Variants in LPA observed in about 807,000 individuals in gnomAD.
LPA encodes lipoprotein(a).
In LPA, 199 loss-of-function variants were observed where a neutral mutation model predicts 197.9. That is an observed-to-expected ratio of 1.01 (90% CI 0.90 to 1.13). The LOEUF (loss-of-function observed/expected upper bound fraction) is 1.13, where lower values mean the gene tolerates loss of function less well. Among genes scored for constraint, LPA ranks in the 50% most tolerant of loss-of-function variants. LPA has a pLI of 0.00. For missense variants in LPA, 1,853 were observed against 1,785.8 expected (o/e 1.04, Z -0.68); for synonymous variants, 715 against 639.5 (o/e 1.12, Z -1.78).
intron 35 of LPA, 38 bp from the exon 36 acceptor site, chr6:160,540,221 C>A: frequency 6.2e-7 from 1 of 1,613,628 alleles, no homozygotes; most frequent in Non-Finnish European, 8.5e-7. Flanking sequence ...AAATATGGTC[C>A]AGCCCCTTCA....
intron 28 of LPA, among the ~76,000 whole-genome samples, chr6:160,576,417 G>GT (rs1778678687): frequency 4.4e-5 from 1 of 22,976 alleles, no homozygotes; most frequent in African/African-American, 2.0e-4. Flanking sequence ...TATATATATG[G>GT]GTATATATAT....
chr6:160,597,514 G>A (rs1779157203), intron 20 of LPA, among the ~76,000 whole-genome samples: 1 of 152,154 alleles, frequency 6.6e-6, no homozygotes, highest in Non-Finnish European at 1.5e-5. Context: ...AGCTATTTCT[G>A]TAGATTCTAT....
intron 30 of LPA, among the ~76,000 whole-genome samples, chr6:160,550,895 T>C (rs1231374462): frequency 6.6e-6 from 1 of 152,246 alleles, no homozygotes; most frequent in Non-Finnish European, 1.5e-5. Flanking sequence ...CTGAACAGTA[T>C]GCCATTGTAT....
At chr6:160,566,131 C>T (rs1367198356) in intron 28 of LPA, among the ~76,000 whole-genome samples, 1 of 152,156 alleles carries the variant, frequency 6.6e-6, no homozygotes, top group Non-Finnish European at 1.5e-5. Flanking sequence ...AGGAGAACTT[C>T]CCCAACCTAC....
At chr6:160,588,049 T>A (rs1321979295) in intron 24 of LPA, among the ~76,000 whole-genome samples, 5 of 152,152 alleles carry the variant, frequency 3.3e-5, no homozygotes, top group Non-Finnish European at 5.9e-5. Context: ...GAAACACAGT[T>A]CTCAGAGGTG....
intron 1 of LPA, among the ~76,000 whole-genome samples, chr6:160,655,678 G>C (rs115740213): frequency 4.7e-4 from 72 of 152,300 alleles, no homozygotes; most frequent in African/African-American, 1.7e-3. Context: ...AAATTTTACC[G>C]AGGTAGAAAG....
rs1478701165 is a variant in LPA at position 160,594,509 on chromosome 6, G to A, written c.3470-392C>T. ...TGTCAGTGGGGACAGACATGAAACC[G>A]TCACACATTTCCCTAGACTGCTGAT... On this transcript the variant is annotated intron_variant, in intron 21 of 38. Coordinates refer to ENST00000316300, the MANE Select transcript of LPA (RefSeq NM_005577.4). Among the ~76,000 whole-genome samples, 8 of 152,170 alleles carry A rather than the reference G, an allele frequency of 5.3e-5. No individual in the cohort carries two copies. In the East Asian group the frequency reaches 5.8e-4, roughly 11 times the overall value.
chr6:160,555,104 T>C (rs1041323025), intron 30 of LPA, among the ~76,000 whole-genome samples: 4 of 152,060 alleles, frequency 2.6e-5, no homozygotes, highest in African/African-American at 9.6e-5. Flanking sequence ...ACCTGCCCAT[T>C]TTAATCTCCA....
intron 20 of LPA, among the ~76,000 whole-genome samples, chr6:160,598,635 C>T (rs925544850): frequency 1.3e-5 from 2 of 152,208 alleles, no homozygotes; most frequent in African/African-American, 4.8e-5. Flanking sequence ...CATCTACCCG[C>T]CCCTTTTACT....
chr6:160,581,765 C>T (rs368680946), intron 26 of LPA, among the ~76,000 whole-genome samples: 42 of 152,224 alleles, frequency 2.8e-4, no homozygotes, highest in African/African-American at 9.4e-4. Context: ...TGCAGGAATT[C>T]TGCTTGGGTG....
chr6:160,592,870 T>C (rs1354110953), intron 22 of LPA, among the ~76,000 whole-genome samples: 2 of 152,184 alleles, frequency 1.3e-5, no homozygotes, highest in African/African-American at 4.8e-5. Flanking sequence ...GTGTCTCTCC[T>C]CTGAGTGGTC....
At chr6:160,592,263 G>C (rs1452160980) in intron 22 of LPA, among the ~76,000 whole-genome samples, 2 of 152,138 alleles carry the variant, frequency 1.3e-5, no homozygotes, top group Admixed American at 6.6e-5. Context: ...CTTGTGGTTT[G>C]TCTAGCTTTA....
chr6:160,598,516 G>C (rs976664081), intron 20 of LPA, among the ~76,000 whole-genome samples: 1 of 152,112 alleles, frequency 6.6e-6, no homozygotes, highest in Admixed American at 6.5e-5. Flanking sequence ...CAATACTCTT[G>C]GTCCTCTAGC....
At chr6:160,606,121 T>A (rs1250606279) in intron 17 of LPA, among the ~76,000 whole-genome samples, 3 of 152,158 alleles carry the variant, frequency 2.0e-5, no homozygotes, top group Non-Finnish European at 4.4e-5. Flanking sequence ...GCTGGCTAAT[T>A]GAAGAAGTCC....
chr6:160,589,068 C>A (rs570566497), intron 24 of LPA, among the ~76,000 whole-genome samples: 11 of 152,320 alleles, frequency 7.2e-5, no homozygotes, highest in Admixed American at 5.2e-4. Context: ...TTTTCAGACA[C>A]CTTGTTCTCA....
At chr6:160,607,937 A>T (rs1779393892) in intron 16 of LPA, among the ~76,000 whole-genome samples, 1 of 152,174 alleles carries the variant, frequency 6.6e-6, no homozygotes, top group African/African-American at 2.4e-5. Context: ...GTAACATTTT[A>T]TTAATATTAC....
Position 160,656,967 on chromosome 6 carries a change from T to C in LPA, c.50-6470A>G, listed in dbSNP as rs137899765. The stretch of plus-strand genomic sequence containing the variant: ...CCAGAGCTCTACATGAGTCAGACTA[T>C]TCTGATGGCTGCTTTGCCTCTGCTG... On this transcript the variant is annotated intron_variant, in intron 1 of 38. Transcript: ENST00000316300. 1.4e-4 allele frequency among the ~76,000 whole-genome samples: 21 copies of C among 152,348 alleles called. No homozygotes were observed. The East Asian group carries it at 3.9e-3, about 28-fold the overall frequency.
intron 7 of LPA, 121 bp downstream of exon 7, chr6:160,635,002 G>T: frequency 6.6e-7 from 1 of 1,507,176 alleles, no homozygotes; most frequent in East Asian, 2.3e-5. Flanking sequence ...CCCCAACATG[G>T]CAGAACTCCG....
chr6:160,560,262 G>A (rs1245601819), intron 28 of LPA, among the ~76,000 whole-genome samples: 1 of 152,208 alleles, frequency 6.6e-6, no homozygotes, highest in African/African-American at 2.4e-5. Flanking sequence ...GTGTGCATGT[G>A]TCTTTATTGT....
Sources: allele counts gnomAD v4.1 joint callset (sites outside exome capture counted in the v4.1 genomes callset), GRCh38; gene constraint gnomAD v4.1.1; transcripts MANE v1.5; gene names NCBI Gene and HGNC (gene_info 2026-07-23, HGNC 2026-07-21).